The following DARS2 variants were observed in gnomAD, a reference collection of about 807,000 sequenced individuals.
The protein encoded by DARS2 is aspartate--tRNA ligase, mitochondrial.
DARS2 carries 63 observed loss-of-function variants against 83.0 expected under a neutral mutation model. That is an observed-to-expected ratio of 0.76 (90% CI 0.62 to 0.94). DARS2 has a LOEUF of 0.94. DARS2 is among the 40% of genes least tolerant of loss of function. DARS2 has a pLI of 0.00. For synonymous variants in DARS2, 250 were observed against 269.3 expected, an observed-to-expected ratio of 0.93 and a Z score of 0.70; for missense variants, 675 against 774.4, an observed-to-expected ratio of 0.87 and a Z score of 1.52.
At chr1:173,852,060 C>T in intron 13 of DARS2, 1 of 985,392 alleles carries the variant, frequency 1.0e-6, no homozygotes, top group South Asian at 4.7e-5. Context: ...GGTCTGATTC[C>T]TACAAGGCCT....
Position 173,828,382 on chromosome 1 carries a change from A to G in DARS2, c.277A>G (p.Ile93Val). The stretch of plus-strand genomic sequence containing the variant: ...AGATTTCGATGGGCTTGTTCAAGTT[A>G]TCATTCCCCAGGATGAGGTAATAGA... ...LRDFDGLVQV[I>V]IPQDESAASV... The change falls in exon 3 of 17, where the codon ATC becomes GTC. Residue 93 changes from isoleucine (I) to valine (V), a missense_variant. Transcript: ENST00000649689. 1.3e-6 allele frequency: 2 copies of G among 1,585,226 alleles called. No homozygotes were observed. Among genetic ancestry groups the G allele is most frequent in the Non-Finnish European group, 1.7e-6 (2 of 1,162,964 alleles).
At chr1:173,828,278 T>A in intron 2 of DARS2, 55 bp from the exon 3 acceptor site, 1 of 1,569,310 alleles carries the variant, frequency 6.4e-7, no homozygotes, top group South Asian at 1.1e-5. Flanking sequence ...TGCTTCAACT[T>A]TGGACTTAGA....
intron 11 of DARS2, among the ~76,000 whole-genome samples, chr1:173,842,938 TA>T (rs532765288): frequency 2.5e-3 from 297 of 120,200 alleles, no homozygotes; most frequent in Admixed American, 2.9e-3. Context: ...CACTCCATCT[TA>T]AAAAAAAAAA....
In DARS2 at chr1:173,838,881, G is replaced by A. The variant is rs191940010; in HGVS notation, c.841-486G>A. 5.3e-4 allele frequency among the ~76,000 whole-genome samples: 80 copies of A among 152,168 alleles called. 1 individual carries two copies. Among genetic ancestry groups the A allele is most frequent in the African/African-American group, 1.8e-3 (73 of 41,522 alleles). ...CTCCGAAGTAGTTGGGACTACAGAT[G>A]CGTGCCACCATGCCCAGCTGATTTT... On this transcript the variant is annotated intron_variant, in intron 9 of 16. Transcript: ENST00000649689.
chr1:173,858,043 G>C lies in DARS2; in HGVS notation c.*338G>C, dbSNP rs1318054446. 6.4e-6 allele frequency: 2 copies of C among 314,446 alleles called. No individual in the cohort carries two copies. The highest frequency in any genetic ancestry group is 1.2e-5 in the Non-Finnish European group (2 of 162,180). The allele number at this position is 314,446 out of a possible 1,614,324, so 19.5% of individuals were successfully genotyped here. ...GATAGTAGATTATTCACTTAGGACAGAGGTAATCAAATTATGTGTGAAATG... is the reference window on the plus strand; with the variant it reads ...GATAGTAGATTATTCACTTAGGACACAGGTAATCAAATTATGTGTGAAATG... On this transcript the variant is annotated 3_prime_UTR_variant, in exon 17 of 17. Coordinates refer to ENST00000649689, the MANE Select transcript of DARS2 (RefSeq NM_018122.5).
In DARS2 at chr1:173,830,417, T is replaced by C. The variant is rs537301143; in HGVS notation, c.295-243T>C. Among the ~76,000 whole-genome samples, 5 of 152,282 alleles carry C rather than the reference T, an allele frequency of 3.3e-5. No homozygotes were observed. The South Asian group carries it at 8.3e-4, about 25-fold the overall frequency. Reference sequence around the variant, plus strand: ...CTAATAATAGTCATTCTTACCCTTATTTTCCTTTAAGGAAAGTTTTTTTAA... The same window carrying C: ...CTAATAATAGTCATTCTTACCCTTACTTTCCTTTAAGGAAAGTTTTTTTAA... On this transcript the variant is annotated intron_variant, in intron 3 of 16. Coordinates refer to ENST00000649689, the MANE Select transcript of DARS2 (RefSeq NM_018122.5).
chr1:173,854,621 AGGTG>A (rs1653795797), intron 15 of DARS2, among the ~76,000 whole-genome samples: 3 of 152,234 alleles, frequency 2.0e-5, no homozygotes, highest in Non-Finnish European at 2.9e-5. Context: ...AATCCAGGTG[AGGTG>A]GCTCTTAAGC....
chr1:173,841,629 A>G (rs1653215243), intron 11 of DARS2, among the ~76,000 whole-genome samples: 1 of 151,712 alleles, frequency 6.6e-6, no homozygotes, highest in Admixed American at 6.6e-5. Context: ...CCTGGGGAAC[A>G]TAGACCTCAT....
intron 7 of DARS2, among the ~76,000 whole-genome samples, chr1:173,835,483 T>A (rs1347172052): frequency 6.6e-6 from 1 of 150,832 alleles, no homozygotes; most frequent in Non-Finnish European, 1.5e-5. Flanking sequence ...GCAAGGAGGA[T>A]GACTTGATCC....
At chr1:173,826,446 A>G (rs963669015) in intron 1 of DARS2, among the ~76,000 whole-genome samples, 8 of 152,114 alleles carry the variant, frequency 5.3e-5, no homozygotes, top group African/African-American at 1.9e-4. Context: ...AAAAATTTTG[A>G]TTTCCTAACA....
intron 8 of DARS2, 88 bp downstream of exon 8, chr1:173,837,134 A>C: frequency 1.4e-4 from 170 of 1,182,384 alleles, no homozygotes; most frequent in Non-Finnish European, 1.9e-4. Flanking sequence ...CTCTGTTCTC[A>C]AGAGAAGGAT....
chr1:173,838,521 G>C (rs548436506), intron 9 of DARS2, among the ~76,000 whole-genome samples: 1 of 151,880 alleles, frequency 6.6e-6, no homozygotes, highest in Non-Finnish European at 1.5e-5. Context: ...CTGCCAAAAC[G>C]AGCATGTGTC....
chr1:173,856,652 C>T lies in DARS2; in HGVS notation c.1675-14C>T. On this transcript the variant is annotated splice_polypyrimidine_tract_variant and intron_variant, in intron 15 of 16. Coordinates refer to ENST00000649689, the MANE Select transcript of DARS2 (RefSeq NM_018122.5). Reference sequence around the variant, plus strand: ...TCAAAATATATTTAAACTGAATTATCTTTTGAATTTCAGGAGGATGTGAAA... The same window carrying T: ...TCAAAATATATTTAAACTGAATTATTTTTTGAATTTCAGGAGGATGTGAAA... The T allele has an allele frequency of 6.2e-7, 1 of 1,611,566 alleles. No individual in the cohort carries two copies. The highest frequency in any genetic ancestry group is 1.3e-5 in the African/African-American group (1 of 74,992).
At chr1:173,832,361 T>A (rs1047707026) in intron 5 of DARS2, among the ~76,000 whole-genome samples, 6 of 152,230 alleles carry the variant, frequency 3.9e-5, no homozygotes, top group African/African-American at 1.4e-4. Context: ...AGAGTTGACC[T>A]TATTTTGAAA....
At chr1:173,845,312 G>C (rs1297165480) in intron 12 of DARS2, 21 bp downstream of exon 12, 2 of 1,561,866 alleles carry the variant, frequency 1.3e-6, no homozygotes, top group Non-Finnish European at 1.8e-6. Context: ...AATTAGAGCA[G>C]TTTTTTTCCT....
chr1:173,856,912 T>C, intron 16 of DARS2, among the ~76,000 whole-genome samples, 171 bp downstream of exon 16: 1 of 152,190 alleles, frequency 6.6e-6, no homozygotes, highest in Non-Finnish European at 1.5e-5. Flanking sequence ...TTAACAGTTA[T>C]AAAGATATAA....
At chr1:173,831,514 C>T (rs755133838) in intron 4 of DARS2, 21 bp from the exon 5 acceptor site, 3 of 1,568,944 alleles carry the variant, frequency 1.9e-6, no homozygotes. Context: ...TTTTTAAAAC[C>T]CTTCCTTCTC....
chr1:173,831,834 C>T, intron 5 of DARS2, among the ~76,000 whole-genome samples: 1 of 152,096 alleles, frequency 6.6e-6, no homozygotes, highest in East Asian at 1.9e-4. Context: ...TGTTGCAGTC[C>T]CTAAATACCT....
intron 13 of DARS2, among the ~76,000 whole-genome samples, chr1:173,851,056 G>C (rs1653644875): frequency 6.6e-6 from 1 of 151,828 alleles, no homozygotes; most frequent in Non-Finnish European, 1.5e-5. Flanking sequence ...TGTTCAACGT[G>C]GTGAAACATC....
Sources: gnomAD v4.1 joint callset for allele counts (sites outside exome capture counted in the v4.1 genomes callset) on GRCh38, gnomAD v4.1.1 for gene constraint, MANE v1.5 for transcripts, NCBI Gene and HGNC (gene_info 2026-07-23, HGNC 2026-07-21) for gene names.